Variants in PDE8A observed in about 807,000 individuals in gnomAD.
The protein encoded by PDE8A is phosphodiesterase 8A, also known as high affinity cAMP-specific and IBMX-insensitive 3',5'-cyclic phosphodiesterase 8A.
In PDE8A, 59 loss-of-function variants were observed where a neutral mutation model predicts 105.0. The ratio of observed to expected loss-of-function variants is 0.56; its 90% CI spans 0.46 to 0.70. The LOEUF (loss-of-function observed/expected upper bound fraction) is 0.70, where lower values mean the gene tolerates loss of function less well. PDE8A is among the 30% of genes least tolerant of loss of function. The probability of loss-of-function intolerance (pLI) is 0.00; values close to 1 mark genes in which losing one functional copy is unlikely to be tolerated. For missense variants in PDE8A, 1,014 were observed against 1,045.9 expected, an observed-to-expected ratio of 0.97 and a Z score of 0.42; for synonymous variants, 355 against 371.9, an observed-to-expected ratio of 0.95 and a Z score of 0.52.
chr15:85,097,012 C>T (rs1299366588), intron 8 of PDE8A, among the ~76,000 whole-genome samples: 3 of 152,116 alleles, frequency 2.0e-5, no homozygotes, highest in African/African-American at 7.2e-5. Flanking sequence ...GGATAGCAAA[C>T]CTCAGCTAAG....
chr15:84,992,954 C>A (rs927169981), intron 1 of PDE8A, among the ~76,000 whole-genome samples: 1 of 152,098 alleles, frequency 6.6e-6, no homozygotes, highest in African/African-American at 2.4e-5. Flanking sequence ...ATGACTTGTT[C>A]AAGTTTGTGG....
chr15:85,100,024 A>T lies in PDE8A; in HGVS notation c.951A>T (p.Arg317Ser). The T allele has an allele frequency of 6.2e-7, 1 of 1,611,094 alleles. No individual in the cohort carries two copies. The highest frequency in any genetic ancestry group is 8.5e-7 in the Non-Finnish European group (1 of 1,178,718). The change falls in exon 10 of 22, where the codon AGA becomes AGT. Residue 317 changes from arginine (R) to serine (S), a missense_variant. Arg to Ser is a moderately radical substitution (Grantham distance 110). Transcript: ENST00000394553. ...IPVIGQGGKIRHYVSIIRVCN... is the reference protein window; with the variant it reads ...IPVIGQGGKISHYVSIIRVCN... The stretch of plus-strand genomic sequence containing the variant: ...TGTTTTTTACTTGCAGAAAAATTAG[A>T]CACTATGTGTCCATTATCAGAGTGT...
At chr15:85,118,788 T>C (rs532862030) in intron 17 of PDE8A, among the ~76,000 whole-genome samples, 7 of 152,366 alleles carry the variant, frequency 4.6e-5, no homozygotes, top group Non-Finnish European at 8.8e-5. Flanking sequence ...CCAGGGCAAG[T>C]GGCTCCTGGC....
In PDE8A at chr15:85,123,337, T is replaced by TACACACACACACACACACACAC. The variant is rs58421452; in HGVS notation, c.2085+172_2085+193dup. On this transcript the variant is annotated intron_variant, in intron 19 of 21. Transcript: ENST00000394553. ...TCTTACAGGGACAGAACTAATGGGA[T>TACACACACACACACACACACAC]ACACACACACACACACACACACACA... The TACACACACACACACACACACAC allele has an allele frequency of 5.0e-4, 165 of 330,422 alleles. 1 individual carries two copies. The highest frequency in any genetic ancestry group is 2.0e-3 in the African/African-American group (80 of 39,952). 20.5% of individuals were successfully genotyped at this position (330,422 alleles called of 1,614,324 possible).
At chr15:84,982,490 A>G (rs989743687) in intron 1 of PDE8A, 142 bp downstream of exon 1, 5 of 474,640 alleles carry the variant, frequency 1.1e-5, no homozygotes, top group African/African-American at 8.1e-5. Context: ...GATTGACGCC[A>G]GTCTCCCGCC....
intron 7 of PDE8A, 59 bp from the exon 8 acceptor site, chr15:85,090,985 T>C: frequency 6.7e-7 from 1 of 1,486,798 alleles, no homozygotes; most frequent in Admixed American, 1.9e-5. Flanking sequence ...CCTTTGATTG[T>C]CCTCTTTTTC....
intron 18 of PDE8A, 113 bp from the exon 19 acceptor site, chr15:85,122,948 A>AT: frequency 1.9e-6 from 2 of 1,071,254 alleles, no homozygotes; most frequent in Non-Finnish European, 2.7e-6. Context: ...TTTCAGTGGC[A>AT]TTAGATTTAT....
chr15:85,087,332 A>T (rs1221162082), intron 6 of PDE8A, among the ~76,000 whole-genome samples: 1 of 152,100 alleles, frequency 6.6e-6, no homozygotes, highest in Non-Finnish European at 1.5e-5. Flanking sequence ...CTTCTCAAGT[A>T]GCTAGGACTA....
intron 14 of PDE8A, among the ~76,000 whole-genome samples, chr15:85,114,280 C>G (rs2082062678): frequency 6.6e-6 from 1 of 152,202 alleles, no homozygotes. Context: ...TGACAGTCTG[C>G]TGAGCACCAG....
intron 5 of PDE8A, among the ~76,000 whole-genome samples, chr15:85,078,326 T>A (rs948581905): frequency 6.6e-6 from 1 of 151,634 alleles, no homozygotes; most frequent in Non-Finnish European, 1.5e-5. Context: ...GGTGGGCAGA[T>A]CACGAGGTCA....
rs2082451909 is a variant in PDE8A at position 85,138,627 on chromosome 15, A to G, written c.*724A>G. On this transcript the variant is annotated 3_prime_UTR_variant, in exon 22 of 22. Transcript: ENST00000394553. ...TACTGCACTATAGAAATATTCATGTATGTTAAACTTTTCTGATTGAGGCTA... is the reference window on the plus strand; with the variant it reads ...TACTGCACTATAGAAATATTCATGTGTGTTAAACTTTTCTGATTGAGGCTA... 1 of 152,556 alleles carries G rather than the reference A, an allele frequency of 6.6e-6. No individual in the cohort carries two copies. Among genetic ancestry groups the G allele is most frequent in the Non-Finnish European group, 1.5e-5 (1 of 68,032 alleles). The allele number at this position is 152,556 out of a possible 1,614,324, so 9.5% of individuals were successfully genotyped here.
intron 1 of PDE8A, among the ~76,000 whole-genome samples, chr15:84,997,122 G>A (rs923155574): frequency 3.3e-5 from 5 of 151,952 alleles, no homozygotes; most frequent in South Asian, 2.1e-4. Context: ...AGCTTAAAAC[G>A]TGAACATATT....
chr15:85,027,366 A>G (rs1329598306), intron 1 of PDE8A, among the ~76,000 whole-genome samples: 1 of 152,218 alleles, frequency 6.6e-6, no homozygotes, highest in Non-Finnish European at 1.5e-5. Flanking sequence ...TATTCATAAT[A>G]ATAAAGAGAC....
chr15:85,034,683 A>G (rs955296421), intron 1 of PDE8A, among the ~76,000 whole-genome samples: 1 of 152,206 alleles, frequency 6.6e-6, no homozygotes, highest in Admixed American at 6.5e-5. Context: ...TAGCAAAAGA[A>G]TGGTGCAGGA....
intron 1 of PDE8A, among the ~76,000 whole-genome samples, chr15:85,033,927 A>G (rs1196554463): frequency 2.0e-5 from 3 of 152,208 alleles, no homozygotes; most frequent in African/African-American, 4.8e-5. Flanking sequence ...GGAGAAAACA[A>G]AAGTTTTGTA....
chr15:85,036,322 G>C (rs1444488810), intron 1 of PDE8A, among the ~76,000 whole-genome samples: 2 of 152,198 alleles, frequency 1.3e-5, no homozygotes, highest in Non-Finnish European at 2.9e-5. Context: ...CAGTGAATGT[G>C]ATGCTGTCTC....
At chr15:85,075,734 G>C (rs2081371179) in intron 3 of PDE8A, 128 bp from the exon 4 acceptor site, 1 of 559,026 alleles carries the variant, frequency 1.8e-6, no homozygotes, top group Non-Finnish European at 3.1e-6. Context: ...AGTGAATTCA[G>C]AGAGTGAGGG....
chr15:84,997,196 GT>G (rs749440954), intron 1 of PDE8A, among the ~76,000 whole-genome samples: 2 of 150,240 alleles, frequency 1.3e-5, no homozygotes, highest in East Asian at 1.9e-4. Flanking sequence ...TCTCCATTAT[GT>G]TTTTTTTTCT....
chr15:85,070,418 A>C (rs2081293732), intron 3 of PDE8A, among the ~76,000 whole-genome samples: 1 of 152,166 alleles, frequency 6.6e-6, no homozygotes, highest in Non-Finnish European at 1.5e-5. Flanking sequence ...AGGAGCTAAT[A>C]CTTTAGTTAG....
Sources: allele counts gnomAD v4.1 joint callset (sites outside exome capture counted in the v4.1 genomes callset), GRCh38; gene constraint gnomAD v4.1.1; transcripts MANE v1.5; gene names NCBI Gene and HGNC (gene_info 2026-07-23, HGNC 2026-07-21).